The following SP2 variants were observed in gnomAD, a reference collection of about 807,000 sequenced individuals.
The protein encoded by SP2 is transcription factor Sp2.
Under a neutral mutation model 50.1 loss-of-function variants are expected in SP2, and 9 were observed. That is an observed-to-expected ratio of 0.18 (90% CI 0.11 to 0.31). The LOEUF (loss-of-function observed/expected upper bound fraction) is 0.31, where lower values mean the gene tolerates loss of function less well. Ranked by LOEUF, SP2 falls within the 10% of genes least tolerant of loss-of-function variation. SP2 has a pLI of 1.00. For synonymous variants in SP2, 313 were observed against 326.6 expected (o/e 0.96, Z 0.45); for missense variants, 581 against 806.5 (o/e 0.72, Z 3.39).
At chr17:47,912,264 A>G (rs1056730890) in intron 1 of SP2, among the ~76,000 whole-genome samples, 2 of 152,114 alleles carry the variant, frequency 1.3e-5, no homozygotes, top group Non-Finnish European at 2.9e-5. Context: ...CGGGATCTGC[A>G]TATATAATTT....
At position 47,896,248 on chromosome 17, in the gene SP2, G is replaced by T; in HGVS notation, c.-39G>T. The T allele has an allele frequency of 8.1e-7, 1 of 1,239,004 alleles. No individual in the cohort carries two copies. The highest frequency in any genetic ancestry group is 1.0e-6 in the Non-Finnish European group (1 of 988,818). The allele number at this position is 1,239,004 out of a possible 1,614,324, so 76.8% of individuals were successfully genotyped here. On this transcript the variant is annotated 5_prime_UTR_variant, in exon 1 of 7. Transcript: ENST00000376741. ...GGCGGGCGGTGTCAGGCTCTCGGTG[G>T]CGGCGGAGGCGGCGGAGGCCAGGGA...
At chr17:47,896,319 G>T (rs117197317) in intron 1 of SP2, 26 bp downstream of exon 1, 33,895 of 1,236,512 alleles carry the variant, frequency 0.027, 554 homozygotes, top group Non-Finnish European at 0.031. Context: ...TGCCGGCGGG[G>T]TCTTCCCGGC....
At chr17:47,900,245 A>G (rs959958019) in intron 1 of SP2, 2 of 152,176 alleles carry the variant, frequency 1.3e-5, no homozygotes, top group Non-Finnish European at 2.9e-5. Flanking sequence ...CACCTCTCCT[A>G]TAGAATTTGG....
chr17:47,903,169 A>G (rs1178920430), intron 1 of SP2, among the ~76,000 whole-genome samples: 3 of 152,268 alleles, frequency 2.0e-5, no homozygotes, highest in Admixed American at 6.5e-5. Context: ...TAGAATCTGT[A>G]TCTTACTGGT....
chr17:47,904,671 G>C (rs769611268), intron 1 of SP2, among the ~76,000 whole-genome samples: 14 of 152,040 alleles, frequency 9.2e-5, no homozygotes, highest in Non-Finnish European at 1.9e-4. Flanking sequence ...AGCAAGCCAC[G>C]GCCCAGAGTT....
At chr17:47,910,865 C>T (rs1290918741) in intron 1 of SP2, among the ~76,000 whole-genome samples, 1 of 152,184 alleles carries the variant, frequency 6.6e-6, no homozygotes, top group Non-Finnish European at 1.5e-5. Context: ...CACACACAGG[C>T]CCTGAAATGT....
At chr17:47,903,348 A>G (rs1024849088) in intron 1 of SP2, among the ~76,000 whole-genome samples, 2 of 152,194 alleles carry the variant, frequency 1.3e-5, no homozygotes, top group African/African-American at 4.8e-5. Context: ...AGTGTGTCCT[A>G]GAGGCCAAGT....
rs140739569 is a variant in SP2 at position 47,916,717 on chromosome 17, G to C, written c.646G>C (p.Val216Leu). The change falls in exon 3 of 7, where the codon GTC (valine) becomes CTC (leucine). Residue 216 changes from valine to leucine, a missense_variant. Around this residue, in one of 2 missense-constraint regions of SP2, gnomAD observed 397 missense variants for 491.0 expected, o/e 0.81. Transcript: ENST00000376741. This position sits in a 1 kb window ranked among gnomAD's most constrained non-coding sequence, Gnocchi z 4.7. ...CGGCAATGTGACGCTCACTCTGCCC[G>C]TCAACAACCTTGTGAACGCCAGTGA... ...GGGNVTLTLPVNNLVNASDTG... is the reference protein window; with the variant it reads ...GGGNVTLTLPLNNLVNASDTG... 1 of 1,613,234 alleles carries C rather than the reference G, an allele frequency of 6.2e-7. No homozygotes were observed. The highest frequency in any genetic ancestry group is 8.5e-7 in the Non-Finnish European group (1 of 1,179,396).
intron 6 of SP2, among the ~76,000 whole-genome samples, chr17:47,925,870 G>A (rs2035623001): frequency 6.8e-6 from 1 of 146,632 alleles, no homozygotes; most frequent in East Asian, 2.1e-4. Context: ...AGTTGATCCT[G>A]GTAAGAACTT....
At chr17:47,919,533 T>G (rs1409761262) in intron 3 of SP2, among the ~76,000 whole-genome samples, 2 of 152,194 alleles carry the variant, frequency 1.3e-5, no homozygotes, top group Non-Finnish European at 2.9e-5. Context: ...AGGATTTTTT[T>G]TTTACAAAGA....
At chr17:47,909,232 T>A (rs2034884950) in intron 1 of SP2, among the ~76,000 whole-genome samples, 1 of 152,210 alleles carries the variant, frequency 6.6e-6, no homozygotes, top group African/African-American at 2.4e-5. Flanking sequence ...ATATTATTTT[T>A]TTGTTCTATG....
At chr17:47,910,311 T>A (rs2034933188) in intron 1 of SP2, among the ~76,000 whole-genome samples, 1 of 152,150 alleles carries the variant, frequency 6.6e-6, no homozygotes, top group Non-Finnish European at 1.5e-5. Flanking sequence ...TCACATGTAA[T>A]AAGGGAGTTT....
Position 47,925,529 on chromosome 17 carries a change from C to T in SP2, c.1729C>T (p.Arg577Cys), listed in dbSNP as rs2035612372. 1.2e-6 allele frequency: 2 copies of T among 1,613,786 alleles called. No individual in the cohort carries two copies. The highest frequency in any genetic ancestry group is 1.7e-6 in the Non-Finnish European group (2 of 1,179,894). The change falls in exon 6 of 7, where the codon CGC becomes TGC. Residue 577 changes from arginine (R) to cysteine (C), a missense_variant. Arg to Cys is a radical substitution (Grantham distance 180). Around this residue, in one of 2 missense-constraint regions of SP2, gnomAD observed 184 missense variants for 315.5 expected, o/e 0.58. Transcript: ENST00000376741. ...GAGTGACGAGCTCCAACGGCATGCT[C>T]GCACCCACACAGGTCAGCCCCCTGC... Reference protein sequence around the residue: ...TRSDELQRHARTHTGDKRFEC... With the variant: ...TRSDELQRHACTHTGDKRFEC...
At chr17:47,903,050 C>T (rs977977210) in intron 1 of SP2, among the ~76,000 whole-genome samples, 2 of 152,200 alleles carry the variant, frequency 1.3e-5, no homozygotes, top group Non-Finnish European at 2.9e-5. Context: ...GCCACAGCGC[C>T]CAGCTGGGGC....
At chr17:47,931,544 C>T (rs1042991190), downstream of SP2, among the ~76,000 whole-genome samples, 3 of 152,150 alleles carry the variant, frequency 2.0e-5, no homozygotes, top group African/African-American at 7.2e-5. Context: ...CTGTCCTGGT[C>T]TGAGTGCAGA....
At position 47,916,873 on chromosome 17, in the gene SP2, G is replaced by C. The variant is rs2035230019; in HGVS notation, c.802G>C (p.Val268Leu). The C allele has an allele frequency of 6.2e-7, 1 of 1,614,168 alleles. No homozygotes were observed. The highest frequency in any genetic ancestry group is 2.2e-5 in the East Asian group (1 of 44,894). ...GGCTGTGGCTGAGCAGGTGGAGACG[G>C]TGCTGATCGAGACCACCGCGGACAA... is the stretch of plus-strand genomic sequence containing the variant. ...PVAVAEQVET[V>L]LIETTADNII... Residue 268 changes from valine (V) to leucine (L), a missense_variant, in exon 3 of 7, where the codon GTG becomes CTG. Coordinates refer to ENST00000376741, the MANE Select transcript of SP2 (RefSeq NM_003110.6). The surrounding 1 kb of genome is among the most constrained non-coding windows in gnomAD (Gnocchi z 4.7).
intron 1 of SP2, chr17:47,898,512 T>G (rs2034424237): frequency 6.6e-6 from 1 of 152,242 alleles, no homozygotes; most frequent in Non-Finnish European, 1.5e-5. Context: ...TAGACCTTAG[T>G]ATTGGCTTGG....
chr17:47,904,369 C>T (rs1327596150), intron 1 of SP2, among the ~76,000 whole-genome samples: 1 of 151,908 alleles, frequency 6.6e-6, no homozygotes, highest in East Asian at 1.9e-4. Context: ...AGGGTGCAGC[C>T]TGGTTGGAGC....
chr17:47,906,017 A>G (rs1361509337), intron 1 of SP2, among the ~76,000 whole-genome samples: 1 of 152,226 alleles, frequency 6.6e-6, no homozygotes, highest in Non-Finnish European at 1.5e-5. Context: ...TGGCCTTTAT[A>G]AGTTTATCAC....
Sources: allele counts gnomAD v4.1 joint callset (sites outside exome capture counted in the v4.1 genomes callset), GRCh38; gene constraint gnomAD v4.1.1; regional missense constraint gnomAD v4.1.1; non-coding constraint Gnocchi (gnomAD v3.1); transcripts MANE v1.5; gene names NCBI Gene and HGNC (gene_info 2026-07-23, HGNC 2026-07-21).